Variants in ALDH1A3 observed in about 807,000 individuals in gnomAD.
ALDH1A3 encodes retinaldehyde dehydrogenase 3.
Under a neutral mutation model 57.5 loss-of-function variants are expected in ALDH1A3, and 28 were observed. The ratio of observed to expected loss-of-function variants is 0.49; its 90% CI spans 0.36 to 0.67. The LOEUF is 0.67. Among genes scored for constraint, ALDH1A3 ranks in the 30% least tolerant of loss-of-function variants. ALDH1A3 has a pLI of 0.00. For synonymous variants in ALDH1A3, 281 were observed against 264.8 expected (o/e 1.06, Z -0.59); for missense variants, 507 against 669.4 (o/e 0.76, Z 2.68).
chr15:100,892,745 C>T (rs2041662909), intron 4 of ALDH1A3, 106 bp downstream of exon 4: 1 of 1,464,518 alleles, frequency 6.8e-7, no homozygotes, highest in Non-Finnish European at 9.2e-7. Context: ...ATTCCCAACC[C>T]CACTCCCTCT....
At chr15:100,901,743 G>A (rs1330102211) in intron 9 of ALDH1A3, among the ~76,000 whole-genome samples, 5 of 152,200 alleles carry the variant, frequency 3.3e-5, no homozygotes, top group Non-Finnish European at 7.3e-5. Context: ...TAAATGACAG[G>A]TTCTCCAGTC....
At chr15:100,880,095 C>G in intron 1 of ALDH1A3, 89 bp downstream of exon 1, 1 of 996,616 alleles carries the variant, frequency 1.0e-6, no homozygotes, top group Middle Eastern at 3.6e-4. Flanking sequence ...GAGCAGCGGG[C>G]CGGGGGTCCG....
rs753948027 is a variant in ALDH1A3 at position 100,892,946 on chromosome 15, T to G, written c.477T>G (p.Asp159Glu). The change falls in exon 5 of 13, where the codon GAT becomes GAG. Residue 159 changes from aspartate (D) to glutamate (E), a missense_variant and splice_region_variant. Asp to Glu is a conservative substitution (Grantham distance 45, BLOSUM62 2). Coordinates refer to ENST00000329841, the MANE Select transcript of ALDH1A3 (RefSeq NM_000693.4). ...DKIQGKTIPT[D>E]DNVVCFTRHE... ...CCCCACCATGTAACCCTCTTCCAGA[T>G]GACAACGTCGTGTGCTTCACCAGGC... 6 of 1,614,104 alleles carry G rather than the reference T, an allele frequency of 3.7e-6. No individual in the cohort carries two copies. The South Asian group carries it at 5.5e-5, about 15-fold the overall frequency.
Position 100,900,783 on chromosome 15 carries a change from A to AC in ALDH1A3, c.1068+26dup, listed in dbSNP as rs780558870. On this transcript the variant is annotated intron_variant, in intron 9 of 12. Coordinates refer to ENST00000329841, the MANE Select transcript of ALDH1A3 (RefSeq NM_000693.4). ...AGGTAATCCCCCTGGTGTGTGTGAA[A>AC]CCATGGTGCTTGTCTAGGGGCTGAA... 5 of 1,609,218 alleles carry AC rather than the reference A, an allele frequency of 3.1e-6. No homozygotes were observed. The African/African-American group carries it at 4.0e-5, about 13-fold the overall frequency.
At chr15:100,899,669 T>C (rs2041746335) in intron 8 of ALDH1A3, among the ~76,000 whole-genome samples, 1 of 152,188 alleles carries the variant, frequency 6.6e-6, no homozygotes, top group African/African-American at 2.4e-5. Context: ...AGTTGGGACC[T>C]GGCCCAGCCA....
chr15:100,898,242 C>G, intron 8 of ALDH1A3, 57 bp downstream of exon 8: 2 of 1,486,090 alleles, frequency 1.3e-6, no homozygotes, highest in South Asian at 1.2e-5. Context: ...TCTGTCTCCC[C>G]CTACTTCCTG....
intron 1 of ALDH1A3, among the ~76,000 whole-genome samples, chr15:100,884,786 A>C (rs1347121944): frequency 6.6e-6 from 1 of 152,098 alleles, no homozygotes; most frequent in African/African-American, 2.4e-5. Context: ...CTTGGCAATC[A>C]ATCTTGCTGA....
At chr15:100,895,780 C>A in intron 6 of ALDH1A3, 153 bp from the exon 7 acceptor site, 1 of 656,172 alleles carries the variant, frequency 1.5e-6, no homozygotes, top group Non-Finnish European at 2.7e-6. Flanking sequence ...TCCCAGGGTG[C>A]CCACGGTCAA....
intron 3 of ALDH1A3, among the ~76,000 whole-genome samples, chr15:100,891,334 C>T (rs2041647358): frequency 6.6e-6 from 1 of 152,238 alleles, no homozygotes; most frequent in South Asian, 2.1e-4. Flanking sequence ...GTAGTTGCCT[C>T]CTATTTAAAG....
In ALDH1A3 at chr15:100,892,648, G is replaced by A. The variant is rs756165454; in HGVS notation, c.475+9G>A. On this transcript the variant is annotated intron_variant, in intron 4 of 12. Transcript: ENST00000329841. ...CAAGACCATCCCCACAGGTGAGCAA[G>A]GTGGATTATAGCTTCATTTGGGATC... 6.2e-7 allele frequency: 1 copy of A among 1,601,800 alleles called. No homozygotes were observed. Among genetic ancestry groups the A allele is most frequent in the South Asian group, 1.1e-5 (1 of 88,516 alleles).
rs1452608352 is a variant in ALDH1A3, at chr15:100,894,999, G to A, written c.666+917G>A. ...TCCACCTCGTTTGTTTTGTGTTCTC[G>A]CCTGATAAAGAGGCTTAGTATATGA... On this transcript the variant is annotated intron_variant, in intron 6 of 12. Coordinates refer to ENST00000329841, the MANE Select transcript of ALDH1A3 (RefSeq NM_000693.4). This position sits in a 1 kb window ranked among gnomAD's most constrained non-coding sequence, Gnocchi z 4.5. 4 of 152,152 alleles carry A rather than the reference G, an allele frequency of 2.6e-5. No homozygotes were observed. The highest frequency in any genetic ancestry group is 9.7e-5 in the African/African-American group (4 of 41,428). 9.4% of individuals were successfully genotyped at this position (152,152 alleles called of 1,614,324 possible).
In ALDH1A3 at chr15:100,914,582, T is replaced by C. The variant is rs574648152; in HGVS notation, c.1467-119T>C. On this transcript the variant is annotated intron_variant, in intron 12 of 12. Transcript: ENST00000329841. ...GCTATTATTCCATGAGGTCGTCACA[T>C]TTTAACCTTTTGCATAAGCCTCCAA... 2.1e-5 allele frequency: 19 copies of C among 885,602 alleles called. No individual in the cohort carries two copies. The Admixed American group carries it at 4.5e-4, about 21-fold the overall frequency. The allele number at this position is 885,602 out of a possible 1,614,324, so 54.9% of individuals were successfully genotyped here.
In ALDH1A3 at chr15:100,889,304, G is replaced by GTTTCTCAGGGT. The variant is rs1313670118; in HGVS notation, c.345+1593_345+1603dup. 2.0e-5 allele frequency among the ~76,000 whole-genome samples: 3 copies of GTTTCTCAGGGT among 152,188 alleles called. No homozygotes were observed. Among genetic ancestry groups the GTTTCTCAGGGT allele is most frequent in the Admixed American group, 1.3e-4 (2 of 15,286 alleles). ...GGAAATTGCTGTTGCCCCTGAATGTGTTTCTCAGGGTGGAGGAACTCTCAG... is the reference window on the plus strand; with the variant it reads ...GGAAATTGCTGTTGCCCCTGAATGTGTTTCTCAGGGTTTTCTCAGGGTGGAGGAACTCTCAG... On this transcript the variant is annotated intron_variant, in intron 3 of 12. Coordinates refer to ENST00000329841, the MANE Select transcript of ALDH1A3 (RefSeq NM_000693.4). The surrounding 1 kb of genome is among the most constrained non-coding windows in gnomAD (Gnocchi z 5.1).
At chr15:100,907,361 C>A in intron 11 of ALDH1A3, 83 bp downstream of exon 11, 1 of 1,463,928 alleles carries the variant, frequency 6.8e-7, no homozygotes, top group South Asian at 1.3e-5. Flanking sequence ...GAGAGTTTCT[C>A]ATTGTTTACA....
chr15:100,885,793 G>GA (rs958819068), intron 2 of ALDH1A3, among the ~76,000 whole-genome samples: 10 of 151,530 alleles, frequency 6.6e-5, no homozygotes, highest in Non-Finnish European at 1.3e-4. Context: ...CACTTTGAAG[G>GA]AAAAAAAATA....
chr15:100,900,976 GGC>G (rs1261514905), intron 9 of ALDH1A3, among the ~76,000 whole-genome samples: 1 of 152,192 alleles, frequency 6.6e-6, no homozygotes, highest in East Asian at 1.9e-4. Flanking sequence ...ATGGGAGGAG[GGC>G]GCTATTCCCA....
At chr15:100,891,811 G>T (rs539179040) in intron 3 of ALDH1A3, among the ~76,000 whole-genome samples, 2 of 152,208 alleles carry the variant, frequency 1.3e-5, no homozygotes, top group East Asian at 1.9e-4. Context: ...CTTCCACCCC[G>T]GCTGGAAATA....
Position 100,887,461 on chromosome 15 carries a change from T to A in ALDH1A3, c.205-111T>A. 1 of 1,270,912 alleles carries A rather than the reference T, an allele frequency of 7.9e-7. No homozygotes were observed. 78.7% of individuals were successfully genotyped at this position (1,270,912 alleles called of 1,614,324 possible). The stretch of plus-strand genomic sequence containing the variant: ...TCACGTCAAAAGATGACACCCAAAC[T>A]GCAGTCACCTCAAAAGATGACACCC... On this transcript the variant is annotated intron_variant, in intron 2 of 12. Transcript: ENST00000329841. The surrounding 1 kb of genome is among the most constrained non-coding windows in gnomAD (Gnocchi z 4.6).
chr15:100,880,067 G>T, intron 1 of ALDH1A3, 61 bp downstream of exon 1: 1 of 1,221,868 alleles, frequency 8.2e-7, no homozygotes, highest in African/African-American at 1.6e-5. Context: ...AGCCAGACTC[G>T]GGGCGGCGGG....
Sources: gnomAD v4.1 joint callset for allele counts (sites outside exome capture counted in the v4.1 genomes callset) on GRCh38, gnomAD v4.1.1 for gene constraint, Gnocchi (gnomAD v3.1) non-coding constraint, MANE v1.5 for transcripts, NCBI Gene and HGNC (gene_info 2026-07-23, HGNC 2026-07-21) for gene names.